The following GLIS3 variants were observed in gnomAD, a reference collection of about 807,000 sequenced individuals.
GLIS3 encodes the protein GLIS family zinc finger 3.
Under a neutral mutation model 78.6 loss-of-function variants are expected in GLIS3, and 53 were observed. The ratio of observed to expected loss-of-function variants is 0.67; its 90% confidence interval spans 0.54 to 0.85. The LOEUF (loss-of-function observed/expected upper bound fraction) is 0.85, where lower values mean the gene tolerates loss of function less well. GLIS3 is among the 40% of genes least tolerant of loss of function. GLIS3 has a pLI of 0.00. For missense variants in GLIS3, 1,703 were observed against 1,231.1 expected (o/e 1.38, Z -5.74); for synonymous variants, 684 against 509.9 (o/e 1.34, Z -4.60).
chr9:4,091,525 GCACACAAACA>G (rs60204680), intron 4 of GLIS3, among the ~76,000 whole-genome samples: 42,197 of 151,834 alleles, frequency 0.28, 6,226 homozygotes, highest in South Asian at 0.48. Context: ...ACGCACACGT[GCACACAAACA>G]CACACACACA....
chr9:3,969,756 C>G (rs376079727), intron 4 of GLIS3, among the ~76,000 whole-genome samples: 3 of 152,180 alleles, frequency 2.0e-5, no homozygotes, highest in Non-Finnish European at 4.4e-5. Flanking sequence ...CATGACCAAG[C>G]TTGTCAGAAG....
In GLIS3 at chr9:4,323,326, T is replaced by C. The variant is rs140160043; in HGVS notation, n.265-12798A>G. On this transcript the variant is annotated intron_variant and non_coding_transcript_variant, in intron 2 of 4. Transcript: ENST00000471664. The stretch of plus-strand genomic sequence containing the variant: ...CTGTTTTATCACATATATTTATATA[T>C]GTAAACAACATATTGTTCCCTTTTC... Among the ~76,000 whole-genome samples, 1,447 of 152,334 alleles carry C rather than the reference T, an allele frequency of 9.5e-3. 13 individuals are homozygous for C. Among genetic ancestry groups the C allele is most frequent in the Non-Finnish European group, 0.012 (805 of 68,040 alleles).
intron 2 of GLIS3, among the ~76,000 whole-genome samples, chr9:4,131,961 G>T (rs1220583957): frequency 1.3e-5 from 2 of 150,102 alleles, no homozygotes; most frequent in East Asian, 3.9e-4. Context: ...ATAATTCCTT[G>T]CACAAAACAA....
intron 2 of GLIS3, among the ~76,000 whole-genome samples, chr9:4,253,229 A>C (rs758513069): frequency 1.8e-4 from 28 of 152,172 alleles, no homozygotes; most frequent in Non-Finnish European, 1.2e-4. Context: ...CCCTTTCCCC[A>C]GGTGCTCTGT....
At chr9:3,879,748 C>T (rs1821604988) in intron 7 of GLIS3, among the ~76,000 whole-genome samples, 153 bp from the exon 8 acceptor site, 1 of 152,114 alleles carries the variant, frequency 6.6e-6, no homozygotes, top group African/African-American at 2.4e-5. Context: ...TGGGTACACA[C>T]AGCTTTTATT....
the GLIS3 span, among the ~76,000 whole-genome samples, chr9:4,379,658 A>G: frequency 6.6e-6 from 1 of 152,184 alleles, no homozygotes; most frequent in East Asian, 1.9e-4. Context: ...TATCATGACT[A>G]TTTGCTTCAC....
chr9:3,854,804 A>G (rs905683787), intron 9 of GLIS3, among the ~76,000 whole-genome samples: 1 of 151,836 alleles, frequency 6.6e-6, no homozygotes, highest in African/African-American at 2.4e-5. Flanking sequence ...TCGGCCTCCC[A>G]AAGTGCTGGG....
intron 6 of GLIS3, among the ~76,000 whole-genome samples, chr9:3,914,975 C>G (rs1445424491): frequency 3.3e-5 from 5 of 151,820 alleles, no homozygotes; most frequent in Admixed American, 2.0e-4. Context: ...TTTCCCTCTT[C>G]TTGTCTGAGC....
chr9:4,059,850 G>C lies in GLIS3; in HGVS notation c.1710+57918C>G, dbSNP rs1370282890. Among the ~76,000 whole-genome samples the C allele has an allele frequency of 3.3e-5, 5 of 151,476 alleles. No individual in the cohort carries two copies. The South Asian group carries it at 6.3e-4, about 19-fold the overall frequency. The stretch of plus-strand genomic sequence containing the variant: ...TGTGTGAGAGAGAGAGAGAGAGAGA[G>C]AGAGAGAGAGAGAGAGAAAGAGAGA... On this transcript the variant is annotated intron_variant, in intron 4 of 10. Coordinates refer to ENST00000381971, the MANE Select transcript of GLIS3 (RefSeq NM_001042413.2).
In GLIS3 at chr9:4,279,030, G is replaced by A. The variant is rs558152221; in HGVS notation, c.388+7008C>T. On this transcript the variant is annotated intron_variant, in intron 2 of 10. Coordinates refer to ENST00000381971, the MANE Select transcript of GLIS3 (RefSeq NM_001042413.2). ...TAAAAATATCAGCGTGGCTGGGCAC[G>A]GTGGCTCATGCCTGTAATCCCAGCA... Among the ~76,000 whole-genome samples the A allele has an allele frequency of 8.5e-5, 13 of 152,234 alleles. No homozygotes were observed. In the South Asian group the frequency reaches 1.5e-3, roughly 17 times the overall value.
At position 4,159,286 on chromosome 9, in the gene GLIS3, G is replaced by A. The variant is rs746478991; in HGVS notation, c.389-33345C>T. The stretch of plus-strand genomic sequence containing the variant: ...ATGTGAAACACTGGAGAGTTTTCTC[G>A]CATTTTGTACAATCTCTGCCTTGTC... On this transcript the variant is annotated intron_variant, in intron 2 of 10. Coordinates refer to ENST00000381971, the MANE Select transcript of GLIS3 (RefSeq NM_001042413.2). 7.2e-5 allele frequency among the ~76,000 whole-genome samples: 11 copies of A among 152,136 alleles called. No individual in the cohort carries two copies. In the South Asian group the frequency reaches 1.0e-3, roughly 14 times the overall value.
intron 8 of GLIS3, among the ~76,000 whole-genome samples, chr9:3,858,034 G>T (rs1819904136): frequency 6.6e-6 from 1 of 152,152 alleles, no homozygotes; most frequent in African/African-American, 2.4e-5. Flanking sequence ...AGGCGGGAAG[G>T]ATCTGAATTG....
chr9:4,152,714 G>C (rs1834772576), intron 2 of GLIS3, among the ~76,000 whole-genome samples: 2 of 151,876 alleles, frequency 1.3e-5, no homozygotes, highest in Non-Finnish European at 2.9e-5. Context: ...ATTCAATAAG[G>C]TGACAAGACG....
chr9:4,475,951 G>A, the GLIS3 span, among the ~76,000 whole-genome samples: 1 of 152,128 alleles, frequency 6.6e-6, no homozygotes, highest in African/African-American at 2.4e-5. Flanking sequence ...GTCTTGCTAT[G>A]TTAACCAGGC....
At position 4,195,717 on chromosome 9, in the gene GLIS3, C is replaced by A. The variant is rs528981659; in HGVS notation, c.389-69776G>T. ...GCCCATGGCCACAGCGCGGGATCCA[C>A]TAGGCGAAGCCAGCTGGGCTCCTGA... On this transcript the variant is annotated intron_variant, in intron 2 of 10. Transcript: ENST00000381971. Among the ~76,000 whole-genome samples the A allele has an allele frequency of 1.0e-3, 157 of 152,386 alleles. 1 individual carries two copies. Among genetic ancestry groups the A allele is most frequent in the Middle Eastern group, 3.4e-3 (1 of 294 alleles).
chr9:4,089,239 T>A (rs765393232), intron 4 of GLIS3, among the ~76,000 whole-genome samples: 1 of 152,180 alleles, frequency 6.6e-6, no homozygotes, highest in East Asian at 1.9e-4. Context: ...AATGGAACAG[T>A]ACTAACAAGA....
intron 2 of GLIS3, among the ~76,000 whole-genome samples, chr9:4,271,375 G>C (rs75366828): frequency 1.3e-5 from 2 of 152,112 alleles, no homozygotes; most frequent in South Asian, 2.1e-4. Context: ...TCAACTGCAT[G>C]GGGGGTCAGC....
the GLIS3 span, among the ~76,000 whole-genome samples, chr9:4,404,191 C>T: frequency 3.9e-5 from 6 of 152,104 alleles, no homozygotes; most frequent in Non-Finnish European, 7.4e-5. Flanking sequence ...AATATATATG[C>T]ACCCAACGCT....
chr9:4,138,456 A>G (rs1833569687), intron 2 of GLIS3, among the ~76,000 whole-genome samples: 1 of 152,212 alleles, frequency 6.6e-6, no homozygotes, highest in Non-Finnish European at 1.5e-5. Flanking sequence ...TCAAATGAGG[A>G]AAAGATCTGA....
Sources: gnomAD v4.1 joint callset for allele counts (sites outside exome capture counted in the v4.1 genomes callset) on GRCh38, gnomAD v4.1.1 for gene constraint, MANE v1.5 for transcripts, NCBI Gene and HGNC (gene_info 2026-07-23, HGNC 2026-07-21) for gene names.